LAMA2: variants seen among roughly 807,000 people sequenced by gnomAD.
LAMA2 encodes laminin subunit alpha-2.
A neutral mutation model predicts 364.8 loss-of-function variants in LAMA2; 269 were observed. That is an observed-to-expected ratio of 0.74 (90% CI 0.67 to 0.82). LAMA2 has a LOEUF of 0.82. LAMA2 is among the 40% of genes least tolerant of loss of function. LAMA2 has a pLI of 0.00. For synonymous variants in LAMA2, 1,379 were observed against 1,370.6 expected, an observed-to-expected ratio of 1.01 and a Z score of -0.14; for missense variants, 3,807 against 3,873.2, an observed-to-expected ratio of 0.98 and a Z score of 0.45.
intron 1 of LAMA2, among the ~76,000 whole-genome samples, chr6:128,890,462 A>G (rs1430729643): frequency 6.6e-5 from 10 of 152,070 alleles, no homozygotes. Context: ...ATGTTAGTCT[A>G]TCATATCCAG....
chr6:129,271,492 C>CA (rs1430791001), intron 17 of LAMA2, among the ~76,000 whole-genome samples: 2 of 116,360 alleles, frequency 1.7e-5, no homozygotes, highest in East Asian at 5.4e-4. Context: ...TTTTTTGAGA[C>CA]AGAGTCTCGC....
chr6:128,920,854 A>T (rs551054264), intron 1 of LAMA2, among the ~76,000 whole-genome samples: 5 of 152,266 alleles, frequency 3.3e-5, no homozygotes, highest in Non-Finnish European at 5.9e-5. Flanking sequence ...GAGAGTATGA[A>T]GCACTATAGC....
At chr6:129,371,895 C>T (rs1583595672) in intron 34 of LAMA2, among the ~76,000 whole-genome samples, 1 of 152,152 alleles carries the variant, frequency 6.6e-6, no homozygotes, top group African/African-American at 2.4e-5. Context: ...GCATGAGCCA[C>T]CGCACCTGGC....
rs1242839316 is a variant in LAMA2, at chr6:129,177,844, G to C, written c.1445G>C (p.Cys482Ser). ...TTAGGGAGCAAAAATGAGGATCCTT[G>C]TTTTGGCCCCTGTATCTGCAAGGTA... ...SGLGSKNEDP[C>S]FGPCICKENV... The change falls in exon 10 of 65, where the codon TGT becomes TCT. Residue 482 changes from cysteine (C) to serine (S), a missense_variant. Physicochemically the swap from Cys to Ser is moderately radical, Grantham distance 112 (BLOSUM62 -1). Around this residue, in one of 3 missense-constraint regions of LAMA2, gnomAD observed 3,333 missense variants for 3,345.7 expected, o/e 1.00. Transcript: ENST00000421865. 1 of 1,613,964 alleles carries C rather than the reference G, an allele frequency of 6.2e-7. No individual in the cohort carries two copies. The highest frequency in any genetic ancestry group is 8.5e-7 in the Non-Finnish European group (1 of 1,179,946).
intron 39 of LAMA2, among the ~76,000 whole-genome samples, chr6:129,403,484 A>G (rs759949801): frequency 6.6e-6 from 1 of 152,218 alleles, no homozygotes; most frequent in Non-Finnish European, 1.5e-5. Context: ...GTAATGTAGT[A>G]CAAGTGCTCT....
chr6:129,316,220 G>A (rs774777789), intron 27 of LAMA2, 49 bp downstream of exon 27: 1 of 1,419,102 alleles, frequency 7.0e-7, no homozygotes, highest in Non-Finnish European at 9.9e-7. Context: ...AGTCTGTAAG[G>A]AAGGTTATTG....
intron 1 of LAMA2, among the ~76,000 whole-genome samples, chr6:128,996,441 C>A (rs1358479443): frequency 6.6e-6 from 1 of 152,080 alleles, no homozygotes; most frequent in Non-Finnish European, 1.5e-5. Context: ...CAAGAAAAAG[C>A]AACCCCATCG....
At chr6:129,354,391 TAGGTGAG>T (rs1406283557) in intron 32 of LAMA2, among the ~76,000 whole-genome samples, 2 of 152,072 alleles carry the variant, frequency 1.3e-5, no homozygotes, top group Non-Finnish European at 2.9e-5. Context: ...AATGTGAAGG[TAGGTGAG>T]AGGGGAGAGA....
At chr6:129,472,598 A>T (rs544443870) in intron 51 of LAMA2, among the ~76,000 whole-genome samples, 4 of 151,980 alleles carry the variant, frequency 2.6e-5, no homozygotes, top group African/African-American at 7.2e-5. Flanking sequence ...TGAGAGACCC[A>T]AAAGAAAAGC....
chr6:129,072,184 A>G (rs904247964), intron 3 of LAMA2, among the ~76,000 whole-genome samples: 2 of 152,168 alleles, frequency 1.3e-5, no homozygotes, highest in Non-Finnish European at 2.9e-5. Context: ...TGCAGATTCT[A>G]TAGTTGTTGG....
At chr6:128,949,432 G>A (rs533628672) in intron 1 of LAMA2, among the ~76,000 whole-genome samples, 1 of 151,184 alleles carries the variant, frequency 6.6e-6, no homozygotes, top group South Asian at 2.1e-4. Flanking sequence ...CCCTATCGAA[G>A]GTCAGAAAAA....
intron 1 of LAMA2, among the ~76,000 whole-genome samples, chr6:128,909,622 T>C (rs1777753022): frequency 6.7e-6 from 1 of 148,920 alleles, no homozygotes; most frequent in Non-Finnish European, 1.5e-5. Flanking sequence ...AATTGGAGCA[T>C]TTAGTCCATT....
chr6:129,120,505 G>T (rs1776745159), intron 4 of LAMA2, among the ~76,000 whole-genome samples: 1 of 152,110 alleles, frequency 6.6e-6, no homozygotes, highest in Non-Finnish European at 1.5e-5. Context: ...AAATAAAAAT[G>T]TTTTGGGGTT....
intron 12 of LAMA2, among the ~76,000 whole-genome samples, chr6:129,225,935 G>T (rs1037765762): frequency 5.3e-5 from 8 of 152,290 alleles, no homozygotes; most frequent in African/African-American, 1.9e-4. Flanking sequence ...ACAGTGGGGT[G>T]TTAAAGTCTC....
intron 27 of LAMA2, 128 bp downstream of exon 27, chr6:129,316,299 C>G: frequency 2.7e-6 from 2 of 744,462 alleles, no homozygotes; most frequent in Non-Finnish European, 4.5e-6. Context: ...GAAGATAAAC[C>G]ATGGAGGCTT....
chr6:129,094,175 T>C (rs865973470), intron 3 of LAMA2, among the ~76,000 whole-genome samples: 3 of 152,200 alleles, frequency 2.0e-5, no homozygotes, highest in Non-Finnish European at 4.4e-5. Flanking sequence ...CTAAGAATAC[T>C]GCTATTTATT....
intron 28 of LAMA2, among the ~76,000 whole-genome samples, chr6:129,327,809 T>C (rs1262719545): frequency 6.6e-6 from 1 of 152,222 alleles, no homozygotes; most frequent in Non-Finnish European, 1.5e-5. Flanking sequence ...TTTCTTACTT[T>C]TATAGTCTTT....
chr6:129,146,556 C>T (rs192255355), intron 5 of LAMA2, among the ~76,000 whole-genome samples: 33 of 152,002 alleles, frequency 2.2e-4, no homozygotes, highest in Admixed American at 2.0e-3. Flanking sequence ...AAACAGTGTG[C>T]GTATGATTTG....
chr6:129,505,548 G>C (rs776030047), intron 61 of LAMA2, among the ~76,000 whole-genome samples, 193 bp downstream of exon 61: 1 of 151,966 alleles, frequency 6.6e-6, no homozygotes, highest in African/African-American at 2.4e-5. Context: ...TCGCTCTGTC[G>C]CCCAGGCTGG....
Sources: gnomAD v4.1 joint callset for allele counts (sites outside exome capture counted in the v4.1 genomes callset) on GRCh38, gnomAD v4.1.1 for gene constraint, gnomAD v4.1.1 regional missense constraint, MANE v1.5 for transcripts, NCBI Gene and HGNC (gene_info 2026-07-23, HGNC 2026-07-21) for gene names.